The following RB1 variants were observed in gnomAD, a reference collection of about 807,000 sequenced individuals.
RB1 encodes retinoblastoma-associated protein.
RB1 carries 18 observed loss-of-function variants against 135.4 expected under a neutral mutation model. That is an observed-to-expected ratio of 0.13 (90% confidence interval 0.09 to 0.20). The LOEUF (loss-of-function observed/expected upper bound fraction) is 0.20. Among genes scored for constraint, RB1 ranks in the 10% least tolerant of loss-of-function variants. The pLI is 1.00. For synonymous variants in RB1, 365 were observed against 373.2 expected (o/e 0.98, Z 0.25); for missense variants, 868 against 1,110.0 (o/e 0.78, Z 3.10).
In RB1 at chr13:48,464,986, G is replaced by GGT; in HGVS notation, c.2212-12_2212-11insGT. ...TTTTTTTTTTTTTTTTTTTTTTACTGTTCTTCCTCAGACATTCAAACGTGT... is the reference window on the plus strand; with the variant it reads ...TTTTTTTTTTTTTTTTTTTTTTACTGGTTTCTTCCTCAGACATTCAAACGTGT... On this transcript the variant is annotated splice_polypyrimidine_tract_variant and intron_variant, in intron 21 of 26. Coordinates refer to ENST00000267163, the MANE Select transcript of RB1 (RefSeq NM_000321.3). 1 of 717,496 alleles carries GGT rather than the reference G, an allele frequency of 1.4e-6. No homozygotes were observed. The highest frequency in any genetic ancestry group is 2.0e-6 in the Non-Finnish European group (1 of 500,854). The allele number at this position is 717,496 out of a possible 1,614,324, so 44.4% of individuals were successfully genotyped here. A position where few individuals can be genotyped will look rare whatever the true frequency, so the allele number is the denominator to read the frequency against.
intron 3 of RB1, 145 bp from the exon 4 acceptor site, chr13:48,344,935 C>T: frequency 9.8e-7 from 1 of 1,015,262 alleles, no homozygotes; most frequent in South Asian, 1.7e-5. Context: ...ATTATTTTTG[C>T]AAAAAGTAAT....
chr13:48,428,776 T>A (rs1372011909), intron 17 of RB1, among the ~76,000 whole-genome samples: 1 of 152,240 alleles, frequency 6.6e-6, no homozygotes, highest in African/African-American at 2.4e-5. Context: ...CCAAGTTTTA[T>A]ACAAAAGCAG....
intron 10 of RB1, 40 bp from the exon 11 acceptor site, chr13:48,368,487 A>T: frequency 6.2e-7 from 1 of 1,610,962 alleles, no homozygotes; most frequent in East Asian, 2.2e-5. Context: ...ACAAATTGTA[A>T]ATTTTCAGTA....
chr13:48,319,342 C>A lies in RB1; in HGVS notation c.264+11936C>A. ...CTCTGGGGCAGGTCCCCGTTGGCCT[C>A]CTTGCGTGTTTGCCGCAGCTAGTAC... On this transcript the variant is annotated intron_variant, in intron 2 of 26. Coordinates refer to ENST00000267163, the MANE Select transcript of RB1 (RefSeq NM_000321.3). This position sits in a 1 kb window ranked among gnomAD's most constrained non-coding sequence, Gnocchi z 5.0. 1 of 522,456 alleles carries A rather than the reference C, an allele frequency of 1.9e-6. No homozygotes were observed. The highest frequency in any genetic ancestry group is 3.4e-6 in the Non-Finnish European group (1 of 291,612). The allele number at this position is 522,456 out of a possible 1,614,324, so 32.4% of individuals were successfully genotyped here.
chr13:48,474,087 G>A lies in RB1; in HGVS notation c.2520+697G>A, dbSNP rs565781393. Among the ~76,000 whole-genome samples, 4 of 152,228 alleles carry A rather than the reference G, an allele frequency of 2.6e-5. No individual in the cohort carries two copies. In the South Asian group the frequency reaches 8.3e-4, roughly 32 times the overall value. On this transcript the variant is annotated intron_variant, in intron 24 of 26. Coordinates refer to ENST00000267163, the MANE Select transcript of RB1 (RefSeq NM_000321.3). The stretch of plus-strand genomic sequence containing the variant: ...GGTCCAGAAGAGTCCCTAGCACAGG[G>A]GCTTCTGTCCCTGGGGAGTTGGGGT...
intron 2 of RB1, among the ~76,000 whole-genome samples, chr13:48,313,899 C>T (rs1311376709): frequency 1.3e-5 from 2 of 152,096 alleles, no homozygotes; most frequent in Non-Finnish European, 2.9e-5. Flanking sequence ...CAGGTGCCTG[C>T]CACCACGCCC....
intron 17 of RB1, among the ~76,000 whole-genome samples, chr13:48,424,714 G>A (rs1237256711): frequency 6.6e-6 from 1 of 152,018 alleles, no homozygotes; most frequent in Admixed American, 6.6e-5. Flanking sequence ...TACTTCCACA[G>A]TACTTAGTTT....
chr13:48,308,245 G>A lies in RB1; in HGVS notation c.264+839G>A, dbSNP rs1016687570. 1.3e-5 allele frequency among the ~76,000 whole-genome samples: 2 copies of A among 151,592 alleles called. 1 individual carries two copies. Among genetic ancestry groups the A allele is most frequent in the Non-Finnish European group, 2.9e-5 (2 of 67,798 alleles). On this transcript the variant is annotated intron_variant, in intron 2 of 26. Transcript: ENST00000267163. The stretch of plus-strand genomic sequence containing the variant: ...TGTGCCTATAGTCCCAGCTACTTGG[G>A]AGGCTGAGGTGGGACGATCACTTGA...
At chr13:48,396,541 A>G (rs888130376) in intron 17 of RB1, among the ~76,000 whole-genome samples, 2 of 152,160 alleles carry the variant, frequency 1.3e-5, no homozygotes, top group African/African-American at 4.8e-5. Flanking sequence ...AACCATAAAA[A>G]CCCTAGAAGA....
intron 17 of RB1, among the ~76,000 whole-genome samples, chr13:48,388,878 G>A (rs1320875178): frequency 3.3e-5 from 5 of 152,160 alleles, no homozygotes; most frequent in Non-Finnish European, 7.3e-5. Flanking sequence ...TAGAGAGACC[G>A]ACCAGGTGCA....
intron 12 of RB1, among the ~76,000 whole-genome samples, chr13:48,375,197 T>C (rs1354530124): frequency 6.6e-6 from 1 of 152,150 alleles, no homozygotes; most frequent in African/African-American, 2.4e-5. Context: ...TGAAAGACAT[T>C]TTCTAGAGCT....
At chr13:48,382,644 T>C (rs977099202) in intron 17 of RB1, among the ~76,000 whole-genome samples, 3 of 152,230 alleles carry the variant, frequency 2.0e-5, no homozygotes, top group Non-Finnish European at 4.4e-5. Context: ...TTCTGTAGGT[T>C]GCCTGTTCAC....
At chr13:48,345,929 C>T (rs1952490409) in intron 4 of RB1, among the ~76,000 whole-genome samples, 1 of 152,030 alleles carries the variant, frequency 6.6e-6, no homozygotes, top group Non-Finnish European at 1.5e-5. Flanking sequence ...GAAGCATCTC[C>T]TTAGGAGGAT....
intron 12 of RB1, 120 bp downstream of exon 12, chr13:48,373,612 T>C (rs1952786926): frequency 1.6e-6 from 1 of 632,576 alleles, no homozygotes. Flanking sequence ...TAGTTATCCA[T>C]AATCTTTTCT....
intron 17 of RB1, chr13:48,412,095 A>G: frequency 6.2e-7 from 1 of 1,613,296 alleles, no homozygotes; most frequent in Non-Finnish European, 8.5e-7. Flanking sequence ...ATCTACACTA[A>G]TACAGGTTAA....
At chr13:48,337,000 G>C (rs1403716027) in intron 2 of RB1, among the ~76,000 whole-genome samples, 9 of 152,214 alleles carry the variant, frequency 5.9e-5, no homozygotes, top group Non-Finnish European at 5.9e-5. Flanking sequence ...TTTTGAGTGA[G>C]TTTCTTAATC....
At chr13:48,474,197 A>G (rs1270622632) in intron 24 of RB1, among the ~76,000 whole-genome samples, 1 of 152,044 alleles carries the variant, frequency 6.6e-6, no homozygotes. Flanking sequence ...TGGGGGTTTC[A>G]TTATATAGGC....
rs1315224384 is a variant in RB1, at chr13:48,463,720, T to G, written c.2107-11T>G. 7.0e-7 allele frequency: 1 copy of G among 1,424,898 alleles called. No individual in the cohort carries two copies. The highest frequency in any genetic ancestry group is 9.9e-7 in the Non-Finnish European group (1 of 1,008,648). 88.3% of individuals were successfully genotyped at this position (1,424,898 alleles called of 1,614,324 possible). A position where few individuals can be genotyped will look rare whatever the true frequency, so the allele number is the denominator to read the frequency against. On this transcript the variant is annotated splice_polypyrimidine_tract_variant and intron_variant, in intron 20 of 26. Coordinates refer to ENST00000267163, the MANE Select transcript of RB1 (RefSeq NM_000321.3). ...AAATTCTGACTACTTTTACATCAAT[T>G]TATTTACTAGATTATGATGTGTTCC...
intron 18 of RB1, 64 bp downstream of exon 18, chr13:48,453,175 T>C (rs1566233126): frequency 2.8e-6 from 4 of 1,434,596 alleles, no homozygotes; most frequent in Non-Finnish European, 3.9e-6. Context: ...ATAAGTGCAA[T>C]GTAACATTCT....
Sources: gnomAD v4.1 joint callset for allele counts (sites outside exome capture counted in the v4.1 genomes callset) on GRCh38, gnomAD v4.1.1 for gene constraint, Gnocchi (gnomAD v3.1) non-coding constraint, MANE v1.5 for transcripts, NCBI Gene and HGNC (gene_info 2026-07-23, HGNC 2026-07-21) for gene names.